TRIM24: variants seen among roughly 807,000 people sequenced by gnomAD.
TRIM24 encodes the protein tripartite motif containing 24, also known as transcription intermediary factor 1-alpha.
TRIM24 carries 29 observed loss-of-function variants against 123.9 expected under a neutral mutation model. The observed-to-expected ratio is 0.23, with a 90% CI of 0.17 to 0.32. The LOEUF is 0.32. Ranked by LOEUF, TRIM24 falls within the 10% of genes least tolerant of loss-of-function variation. The probability of loss-of-function intolerance (pLI) is 1.00; values close to 1 mark genes in which losing one functional copy is unlikely to be tolerated. For missense variants in TRIM24, 932 were observed against 1,295.3 expected (o/e 0.72, Z 4.31); for synonymous variants, 456 against 461.1 (o/e 0.99, Z 0.14).
At chr7:138,572,736 T>A (rs1797683391) in intron 11 of TRIM24, among the ~76,000 whole-genome samples, 1 of 152,248 alleles carries the variant, frequency 6.6e-6, no homozygotes, top group African/African-American at 2.4e-5. Context: ...AGAATTGAAC[T>A]GGATTTTAAG....
chr7:138,466,803 TAA>T (rs759485745), intron 1 of TRIM24, among the ~76,000 whole-genome samples: 3 of 152,220 alleles, frequency 2.0e-5, no homozygotes, highest in Non-Finnish European at 4.4e-5. Context: ...AAATTTTGAT[TAA>T]GTCTGGTTTA....
intron 1 of TRIM24, among the ~76,000 whole-genome samples, chr7:138,486,144 A>G (rs1584692997): frequency 6.6e-6 from 1 of 152,154 alleles, no homozygotes; most frequent in South Asian, 2.1e-4. Flanking sequence ...TTTCTTTTGA[A>G]AAGTGTCTGT....
chr7:138,538,490 C>T (rs894871451), intron 6 of TRIM24, among the ~76,000 whole-genome samples, 167 bp from the exon 7 acceptor site: 14 of 152,050 alleles, frequency 9.2e-5, no homozygotes, highest in Admixed American at 3.3e-4. Flanking sequence ...AGTTTTTTGC[C>T]ATAGTGAAAG....
In TRIM24 at chr7:138,460,299, G is replaced by A; in HGVS notation, c.-250G>A. ...CTCGGCGGTTGGCGAAGCGGACGGG[G>A]TGCAGCCTCCCCGGTGCGAGGAACG... On this transcript the variant is annotated 5_prime_UTR_variant, in exon 1 of 19. The change creates a new upstream start codon in the 5' untranslated region. Coordinates refer to ENST00000343526, the MANE Select transcript of TRIM24 (RefSeq NM_015905.3). 1 of 386,722 alleles carries A rather than the reference G, an allele frequency of 2.6e-6. No homozygotes were observed. The highest frequency in any genetic ancestry group is 4.5e-6 in the Non-Finnish European group (1 of 220,860). The allele number at this position is 386,722 out of a possible 1,614,324, so 24.0% of individuals were successfully genotyped here.
intron 1 of TRIM24, among the ~76,000 whole-genome samples, chr7:138,489,687 T>A (rs1344039245): frequency 6.6e-6 from 1 of 152,196 alleles, no homozygotes; most frequent in Non-Finnish European, 1.5e-5. Context: ...CTCACTCTCT[T>A]GGCTTGTAGA....
At chr7:138,559,891 T>G (rs1193126293) in intron 9 of TRIM24, among the ~76,000 whole-genome samples, 2 of 152,182 alleles carry the variant, frequency 1.3e-5, no homozygotes, top group Non-Finnish European at 2.9e-5. Flanking sequence ...TAAAAGGGTG[T>G]GATGGGTCTG....
intron 10 of TRIM24, among the ~76,000 whole-genome samples, chr7:138,568,379 C>CTCTTTT (rs1797579990): frequency 1.5e-5 from 1 of 68,682 alleles, no homozygotes; most frequent in Non-Finnish European, 2.5e-5. Flanking sequence ...ACCTGGCCTC[C>CTCTTTT]TTTTTTTTTT....
chr7:138,539,416 C>T (rs771907457), intron 7 of TRIM24, among the ~76,000 whole-genome samples: 1 of 152,150 alleles, frequency 6.6e-6, no homozygotes, highest in Non-Finnish European at 1.5e-5. Context: ...ATGACTACCA[C>T]ATCACTTGAG....
At chr7:138,497,693 C>G (rs1230112737) in intron 1 of TRIM24, among the ~76,000 whole-genome samples, 1 of 151,580 alleles carries the variant, frequency 6.6e-6, no homozygotes, top group Non-Finnish European at 1.5e-5. Flanking sequence ...CCGCGCCCAG[C>G]CTGTTGTTGG....
At chr7:138,492,905 T>G (rs1795826153) in intron 1 of TRIM24, among the ~76,000 whole-genome samples, 1 of 152,192 alleles carries the variant, frequency 6.6e-6, no homozygotes, top group Admixed American at 6.5e-5. Flanking sequence ...ACAGGTGCCT[T>G]AGGTTCTGTT....
chr7:138,509,525 A>G (rs1304602920), intron 2 of TRIM24, among the ~76,000 whole-genome samples: 2 of 150,328 alleles, frequency 1.3e-5, no homozygotes, highest in Admixed American at 1.3e-4. Context: ...AATATGGTGA[A>G]AGCCCGTCTC....
intron 1 of TRIM24, among the ~76,000 whole-genome samples, chr7:138,486,267 T>G (rs1159059507): frequency 6.6e-6 from 1 of 152,216 alleles, no homozygotes; most frequent in East Asian, 1.9e-4. Flanking sequence ...TTGCAAAAAT[T>G]TTTTCCCATT....
chr7:138,586,713 CATTTT>C lies in TRIM24; in HGVS notation c.*1768_*1772del, dbSNP rs1346960763. 1 of 152,134 alleles carries C rather than the reference CATTTT, an allele frequency of 6.6e-6. No homozygotes were observed. The highest frequency in any genetic ancestry group is 2.4e-5 in the African/African-American group (1 of 41,440). The allele number at this position is 152,134 out of a possible 1,614,324, so 9.4% of individuals were successfully genotyped here. ...CACCTTTTGTCTTTTTTTGCTCCAG[CATTTT>C]ATTTTTAGCACAGCAGCTGTGGAGC... On this transcript the variant is annotated 3_prime_UTR_variant, in exon 19 of 19. Coordinates refer to ENST00000343526, the MANE Select transcript of TRIM24 (RefSeq NM_015905.3).
At chr7:138,496,977 A>AGT (rs1795920999) in intron 1 of TRIM24, among the ~76,000 whole-genome samples, 1 of 152,038 alleles carries the variant, frequency 6.6e-6, no homozygotes. Flanking sequence ...TTGATTTTCT[A>AGT]GTGTTCTGTT....
chr7:138,526,214 T>C (rs1796607472), intron 5 of TRIM24, among the ~76,000 whole-genome samples: 1 of 152,236 alleles, frequency 6.6e-6, no homozygotes, highest in Non-Finnish European at 1.5e-5. Context: ...CACAATCTAT[T>C]ATTATCATTT....
chr7:138,525,200 A>G (rs1796583763), intron 4 of TRIM24, 41 bp from the exon 5 acceptor site: 1 of 922,948 alleles, frequency 1.1e-6, no homozygotes. Flanking sequence ...CTTTTTCCTC[A>G]TTGTATATTT....
intron 1 of TRIM24, among the ~76,000 whole-genome samples, chr7:138,489,548 G>A (rs1454710849): frequency 1.3e-5 from 2 of 152,118 alleles, no homozygotes; most frequent in African/African-American, 4.8e-5. Flanking sequence ...GCCTGGTGGT[G>A]ACAAAAATCT....
At chr7:138,504,449 T>G (rs1403196234) in intron 2 of TRIM24, 41 bp downstream of exon 2, 5 of 232,928 alleles carry the variant, frequency 2.1e-5, no homozygotes, top group East Asian at 2.8e-4. Context: ...TGCCAGCTCT[T>G]TTTTTTTTTT....
At chr7:138,570,105 G>A (rs562573666) in intron 10 of TRIM24, among the ~76,000 whole-genome samples, 6 of 152,012 alleles carry the variant, frequency 3.9e-5, no homozygotes, top group South Asian at 4.2e-4. Context: ...CCACCACCAC[G>A]CCCGGTTAAT....
Sources: gnomAD v4.1 joint callset for allele counts (sites outside exome capture counted in the v4.1 genomes callset) on GRCh38, gnomAD v4.1.1 for gene constraint, MANE v1.5 for transcripts, NCBI Gene and HGNC (gene_info 2026-07-23, HGNC 2026-07-21) for gene names.